Variants in MGST1 observed in about 807,000 individuals in gnomAD.
MGST1 encodes the protein glutathione S-transferase 12.
Under a neutral mutation model 8.9 loss-of-function variants are expected in MGST1, and 5 were observed. That is an observed-to-expected ratio of 0.56 (90% CI 0.29 to 1.19). The LOEUF is 1.19. MGST1 is among the 50% of genes most tolerant of loss of function. The pLI, the probability that MGST1 is intolerant of heterozygous loss-of-function variation, is 0.08. For missense variants in MGST1, 182 were observed against 187.4 expected (o/e 0.97, Z 0.17); for synonymous variants, 54 against 67.8 (o/e 0.80, Z 1.00).
intron 4 of MGST1, among the ~76,000 whole-genome samples, chr12:16,448,188 CATAA>C (rs1410955614): frequency 6.6e-6 from 1 of 151,760 alleles, no homozygotes; most frequent in African/African-American, 2.4e-5. Flanking sequence ...AAAGAAGAAA[CATAA>C]ATATTTTATT....
At chr12:16,424,603 C>A (rs1940869500) in intron 1 of MGST1, among the ~76,000 whole-genome samples, 1 of 152,184 alleles carries the variant, frequency 6.6e-6, no homozygotes, top group Non-Finnish European at 1.5e-5. Context: ...CCACCATAAG[C>A]ATGAAGATGG....
intron 4 of MGST1, among the ~76,000 whole-genome samples, chr12:16,523,071 CAAAAT>C (rs749720066): frequency 2.7e-5 from 4 of 150,842 alleles, no homozygotes; most frequent in Admixed American, 2.6e-4. Flanking sequence ...GACCTGAAAA[CAAAAT>C]AAAAGTAAAG....
rs184952268 is a variant in MGST1 at position 16,445,078 on chromosome 12, C to T, written n.482+61474C>T. Among the ~76,000 whole-genome samples the T allele has an allele frequency of 1.3e-3, 202 of 151,522 alleles. No homozygotes were observed. The Middle Eastern group carries it at 0.014, about 10-fold the overall frequency. Reference sequence around the variant, plus strand: ...GTCTGCTTGATTTTGAGTAGAAAACCGCAGGGATTTTTTGTACAGCATCCT... The same window carrying T: ...GTCTGCTTGATTTTGAGTAGAAAACTGCAGGGATTTTTTGTACAGCATCCT... On this transcript the variant is annotated intron_variant and non_coding_transcript_variant, in intron 4 of 4. Coordinates refer to the MGST1 transcript ENST00000538857.
chr12:16,514,806 T>C (rs1352135678), intron 4 of MGST1, among the ~76,000 whole-genome samples: 1 of 152,206 alleles, frequency 6.6e-6, no homozygotes, highest in African/African-American at 2.4e-5. Context: ...CACTCAGCGA[T>C]TGAATGTTTC....
At chr12:16,566,109 G>C (rs1942602096) in intron 4 of MGST1, among the ~76,000 whole-genome samples, 1 of 144,276 alleles carries the variant, frequency 6.9e-6, no homozygotes, top group African/African-American at 2.6e-5. Flanking sequence ...GATGAACCTG[G>C]AGGGCATCAT....
At chr12:16,486,187 A>G (rs1342791452) in intron 4 of MGST1, among the ~76,000 whole-genome samples, 1 of 152,228 alleles carries the variant, frequency 6.6e-6, no homozygotes, top group Non-Finnish European at 1.5e-5. Flanking sequence ...CTACCTTGAC[A>G]GAATTTTTCC....
chr12:16,399,705 A>G, intron 1 of MGST1: 7 of 1,278,310 alleles, frequency 5.5e-6, no homozygotes, highest in Non-Finnish European at 6.9e-6. Context: ...GTCATCAACA[A>G]TGGTCTTTAT....
chr12:16,400,589 G>A lies in MGST1; in HGVS notation n.778+16985G>A. The A allele has an allele frequency of 4.0e-6, 4 of 1,005,000 alleles. No individual in the cohort carries two copies. In the South Asian group the frequency reaches 5.1e-5, roughly 13 times the overall value. The allele number at this position is 1,005,000 out of a possible 1,614,324, so 62.3% of individuals were successfully genotyped here. A position where few individuals can be genotyped will look rare whatever the true frequency, so the allele number is the denominator to read the frequency against. On this transcript the variant is annotated intron_variant and non_coding_transcript_variant, in intron 1 of 1. Transcript: ENST00000359720. ...AAAGCATTCTGAAGGTTCAAGGCTG[G>A]TACTGTCTGTTCCCCGGTCATCGTA...
At chr12:16,465,361 A>AG (rs757401644) in intron 4 of MGST1, among the ~76,000 whole-genome samples, 5 of 152,318 alleles carry the variant, frequency 3.3e-5, no homozygotes, top group Non-Finnish European at 7.4e-5. Context: ...TTGAAGGCCT[A>AG]GGTTTAACTG....
chr12:16,588,857 A>T (rs1464928367), intron 4 of MGST1, among the ~76,000 whole-genome samples: 2 of 151,992 alleles, frequency 1.3e-5, no homozygotes, highest in Non-Finnish European at 2.9e-5. Flanking sequence ...CCCTTATCTT[A>T]TCTTCATAAC....
At chr12:16,489,318 T>A (rs1941421958) in intron 4 of MGST1, among the ~76,000 whole-genome samples, 1 of 152,190 alleles carries the variant, frequency 6.6e-6, no homozygotes, top group South Asian at 2.1e-4. Context: ...TGTTTGCTTT[T>A]GCTGAAGTTC....
intron 1 of MGST1, among the ~76,000 whole-genome samples, chr12:16,391,512 C>T (rs1488896382): frequency 6.6e-6 from 1 of 152,022 alleles, no homozygotes; most frequent in Non-Finnish European, 1.5e-5. Flanking sequence ...TTTATGGCTG[C>T]ATAGTATTCC....
chr12:16,408,795 C>G (rs1212988379), intron 1 of MGST1, among the ~76,000 whole-genome samples: 2 of 152,060 alleles, frequency 1.3e-5, no homozygotes, highest in Non-Finnish European at 2.9e-5. Flanking sequence ...ATTTCCTCAT[C>G]TCTATTCCAA....
exon 1 of MGST1, chr12:16,383,074 C>G (rs529549785): frequency 6.5e-6 from 1 of 152,900 alleles, no homozygotes; most frequent in Admixed American, 6.5e-5. Context: ...AAAGGGAATT[C>G]CCTGACCCCT....
intron 1 of MGST1, among the ~76,000 whole-genome samples, chr12:16,384,091 AG>A (rs1299749318): frequency 6.6e-6 from 1 of 152,178 alleles, no homozygotes; most frequent in Non-Finnish European, 1.5e-5. Context: ...TGGTACAAAA[AG>A]AGGGGGTTCA....
intron 1 of MGST1, among the ~76,000 whole-genome samples, chr12:16,419,414 G>T (rs75486450): frequency 7.4e-4 from 113 of 152,176 alleles, no homozygotes; most frequent in Non-Finnish European, 1.4e-3. Flanking sequence ...AGAAACCGTG[G>T]TCTGTCCTTC....
downstream of MGST1, among the ~76,000 whole-genome samples, chr12:16,442,583 T>G (rs1941047803): frequency 6.6e-6 from 1 of 151,918 alleles, no homozygotes; most frequent in Non-Finnish European, 1.5e-5. This position sits in a 1 kb window ranked among gnomAD's most constrained non-coding sequence, Gnocchi z 4.5. Context: ...ATTTTCTCTA[T>G]GTATTGCCTT....
intron 4 of MGST1, among the ~76,000 whole-genome samples, chr12:16,535,709 TA>T (rs1160411482): frequency 2.6e-5 from 4 of 152,174 alleles, no homozygotes; most frequent in African/African-American, 9.6e-5. Context: ...CAATGGCTCT[TA>T]ATATATTTCC....
At chr12:16,370,628 A>T (rs185383724) in intron 3 of MGST1, among the ~76,000 whole-genome samples, 2 of 152,170 alleles carry the variant, frequency 1.3e-5, no homozygotes, top group African/African-American at 4.8e-5. Flanking sequence ...CTCATCTTTC[A>T]TGACAATACA....
Sources: allele counts gnomAD v4.1 joint callset (sites outside exome capture counted in the v4.1 genomes callset), GRCh38; gene constraint gnomAD v4.1.1; non-coding constraint Gnocchi (gnomAD v3.1); transcripts MANE v1.5; gene names NCBI Gene and HGNC (gene_info 2026-07-23, HGNC 2026-07-21).